The following PPP2R5C variants were observed in gnomAD, a reference collection of about 807,000 sequenced individuals.
PPP2R5C encodes serine/threonine-protein phosphatase 2A 56 kDa regulatory subunit gamma isoform.
A neutral mutation model predicts 68.9 loss-of-function variants in PPP2R5C; 7 were observed. That is an observed-to-expected ratio of 0.10 (90% CI 0.06 to 0.19). The LOEUF is 0.19. Ranked by LOEUF, PPP2R5C falls within the 10% of genes least tolerant of loss-of-function variation. PPP2R5C has a pLI of 1.00. For synonymous variants in PPP2R5C, 210 were observed against 222.2 expected (o/e 0.95, Z 0.49); for missense variants, 348 against 641.3 (o/e 0.54, Z 4.94).
At chr14:101,772,183 T>C (rs2037184478) in intron 2 of PPP2R5C, among the ~76,000 whole-genome samples, 1 of 152,100 alleles carries the variant, frequency 6.6e-6, no homozygotes, top group African/African-American at 2.4e-5. Flanking sequence ...AAATATCAAA[T>C]TTAAGGTTAA....
intron 13 of PPP2R5C, among the ~76,000 whole-genome samples, chr14:101,924,692 C>T (rs1252539219): frequency 6.6e-6 from 1 of 151,974 alleles, no homozygotes; most frequent in Non-Finnish European, 1.5e-5. Context: ...CCGTCCGCCT[C>T]GGCCTCCCAA....
chr14:101,821,448 G>T (rs71424484), intron 1 of PPP2R5C, among the ~76,000 whole-genome samples: 5,028 of 58,820 alleles, frequency 0.085, 238 homozygotes, highest in African/African-American at 0.19. Flanking sequence ...GGGGTGGGTG[G>T]GTGGGTGTGT....
Position 101,836,751 on chromosome 14 carries a change from A to G in PPP2R5C, c.95-19935A>G, listed in dbSNP as rs1009887340. On this transcript the variant is annotated intron_variant, in intron 1 of 13. Coordinates refer to ENST00000334743, the Ensembl canonical transcript of PPP2R5C. ...GATAGGTAATATATAAAAGAGTATT[A>G]AAAAGAAATGGAGAGTAAAGGTATA... 4.1e-5 allele frequency: 8 copies of G among 193,624 alleles called. No homozygotes were observed. The East Asian group carries it at 1.0e-3, about 25-fold the overall frequency. 12.0% of individuals were successfully genotyped at this position (193,624 alleles called of 1,614,324 possible).
In PPP2R5C at chr14:101,897,807, T is replaced by TAA. The variant is rs10684045; in HGVS notation, c.852+3262_852+3263dup. ...AGGTTTTACTGGAGAAAGTAATATG[T>TAA]AAAAAAAAAAAAAAAATTTATCTCT... On this transcript the variant is annotated intron_variant, in intron 8 of 13. Transcript: ENST00000334743. 5.8e-3 allele frequency among the ~76,000 whole-genome samples: 803 copies of TAA among 139,624 alleles called. 9 individuals are homozygous for TAA. Among genetic ancestry groups the TAA allele is most frequent in the African/African-American group, 0.019 (751 of 38,534 alleles). 91.6% of individuals were successfully genotyped at this position (139,624 alleles called of 152,430 possible).
Position 101,875,351 on chromosome 14 carries a change from G to A in PPP2R5C, c.295-6810G>A, listed in dbSNP as rs76950454. 5.4e-3 allele frequency among the ~76,000 whole-genome samples: 827 copies of A among 152,276 alleles called. 10 individuals are homozygous for A. The highest frequency in any genetic ancestry group is 0.019 in the African/African-American group (782 of 41,552). ...ACTTCCCGGCCACCCAGTCATACTT[G>A]AGATAAATATTCCAAAGAAAATGTA... On this transcript the variant is annotated intron_variant, in intron 2 of 13. Coordinates refer to ENST00000334743, the Ensembl canonical transcript of PPP2R5C.
intron 1 of PPP2R5C, among the ~76,000 whole-genome samples, chr14:101,852,936 T>C (rs1353974575): frequency 2.0e-5 from 3 of 152,158 alleles, no homozygotes; most frequent in Non-Finnish European, 4.4e-5. Context: ...AAATTCACAA[T>C]AACATATTAA....
chr14:101,768,340 C>T (rs1484474406), intron 2 of PPP2R5C, among the ~76,000 whole-genome samples: 4 of 152,174 alleles, frequency 2.6e-5, no homozygotes, highest in African/African-American at 4.8e-5. Context: ...AGGGAGATCA[C>T]TCCTTTATAC....
intron 2 of PPP2R5C, among the ~76,000 whole-genome samples, chr14:101,861,418 A>G (rs2042729179): frequency 6.6e-6 from 1 of 152,156 alleles, no homozygotes; most frequent in African/African-American, 2.4e-5. Context: ...TAAGACTTTA[A>G]TTGACTTTTT....
chr14:101,763,635 C>T (rs1413599727), intron 2 of PPP2R5C, among the ~76,000 whole-genome samples: 2 of 152,164 alleles, frequency 1.3e-5, no homozygotes, highest in Non-Finnish European at 2.9e-5. Flanking sequence ...CCCACCTTGG[C>T]CTCCTAAGGT....
intron 12 of PPP2R5C, 59 bp downstream of exon 14, chr14:101,912,532 T>C (rs772519397): frequency 2.6e-6 from 4 of 1,548,708 alleles, no homozygotes; most frequent in Non-Finnish European, 3.5e-6. Context: ...TTTTATAAGA[T>C]AGGAATATAT....
rs1365163379 is a variant in PPP2R5C, at chr14:101,823,811, G to T, written c.94+13775G>T. 3.5e-6 allele frequency: 4 copies of T among 1,154,196 alleles called. No homozygotes were observed. The East Asian group carries it at 2.4e-4, about 69-fold the overall frequency. The allele number at this position is 1,154,196 out of a possible 1,614,324, so 71.5% of individuals were successfully genotyped here. ...CTCTTGCAGGTTTCTTTATCACAGG[G>T]ATCTATCTACACGGTACTTTCTGCT... On this transcript the variant is annotated intron_variant, in intron 1 of 13. Transcript: ENST00000334743.
intron 2 of PPP2R5C, among the ~76,000 whole-genome samples, chr14:101,774,930 A>G (rs1595125562): frequency 1.3e-5 from 2 of 152,336 alleles, no homozygotes; most frequent in African/African-American, 4.8e-5. Flanking sequence ...AGCAAGAGAG[A>G]AGCCACAGAC....
At chr14:101,764,003 T>G (rs1346815112) in intron 2 of PPP2R5C, among the ~76,000 whole-genome samples, 3 of 137,222 alleles carry the variant, frequency 2.2e-5, no homozygotes, top group Admixed American at 7.0e-5. Flanking sequence ...ATTGTTCACA[T>G]TGTGTGTGTG....
chr14:101,823,794 G>A, intron 1 of PPP2R5C: 1 of 1,133,652 alleles, frequency 8.8e-7, no homozygotes. Context: ...TGCTCTTGCA[G>A]GTTTCTTTAT....
intron 3 of PPP2R5C, among the ~76,000 whole-genome samples, chr14:101,798,022 G>C (rs1413645000): frequency 6.6e-6 from 1 of 152,060 alleles, no homozygotes; most frequent in African/African-American, 2.4e-5. Flanking sequence ...TTTGAACATA[G>C]CTGAATGTTA....
chr14:101,834,385 T>C (rs960253458), intron 1 of PPP2R5C, among the ~76,000 whole-genome samples: 9 of 152,220 alleles, frequency 5.9e-5, no homozygotes, highest in African/African-American at 2.2e-4. Flanking sequence ...ACAAAAAGTC[T>C]TCTCAAAAAA....
At chr14:101,914,145 T>C in intron 12 of PPP2R5C, 1 of 455,072 alleles carries the variant, frequency 2.2e-6, no homozygotes, top group Non-Finnish European at 4.4e-6. Flanking sequence ...TTTTGGTTGC[T>C]CTCTTTGCAA....
At chr14:101,883,933 G>A (rs1218694932) in intron 5 of PPP2R5C, among the ~76,000 whole-genome samples, 7 of 152,196 alleles carry the variant, frequency 4.6e-5, no homozygotes, top group Non-Finnish European at 8.8e-5. Context: ...GGACGCATAG[G>A]ATAGATGAAT....
chr14:101,916,459 C>CA lies in PPP2R5C; in HGVS notation c.1327-1370dup, dbSNP rs1033636829. On this transcript the variant is annotated intron_variant, in intron 12 of 13. Transcript: ENST00000334743. The surrounding 1 kb of genome is among the most constrained non-coding windows in gnomAD (Gnocchi z 5.5). Reference sequence around the variant, plus strand: ...AAGACAGCCCACAGAGGAAGGAGCCCAAGGCACCTGGAGGAGAGGCTGGGG... The same window carrying CA: ...AAGACAGCCCACAGAGGAAGGAGCCCAAAGGCACCTGGAGGAGAGGCTGGGG... 6.6e-6 allele frequency among the ~76,000 whole-genome samples: 1 copy of CA among 152,088 alleles called. No homozygotes were observed. The highest frequency in any genetic ancestry group is 2.4e-5 in the African/African-American group (1 of 41,404).
Sources: allele counts gnomAD v4.1 joint callset (sites outside exome capture counted in the v4.1 genomes callset), GRCh38; gene constraint gnomAD v4.1.1; non-coding constraint Gnocchi (gnomAD v3.1); transcripts MANE v1.5; gene names NCBI Gene and HGNC (gene_info 2026-07-23, HGNC 2026-07-21).